The following IQSEC1 variants were observed in gnomAD, a reference collection of about 807,000 sequenced individuals.
IQSEC1 encodes the protein IQ motif and SEC7 domain-containing protein 1.
Under a neutral mutation model 91.0 loss-of-function variants are expected in IQSEC1, and 31 were observed. The ratio of observed to expected loss-of-function variants is 0.34; its 90% CI spans 0.26 to 0.46. The LOEUF is 0.46. IQSEC1 is among the 20% of genes least tolerant of loss of function. The pLI, the probability that IQSEC1 is intolerant of heterozygous loss-of-function variation, is 1.00. For synonymous variants in IQSEC1, 699 were observed against 662.6 expected (o/e 1.05, Z -0.84); for missense variants, 1,388 against 1,575.6 (o/e 0.88, Z 2.02).
intron 1 of IQSEC1, among the ~76,000 whole-genome samples, chr3:13,251,177 T>C (rs1482584194): frequency 2.0e-5 from 3 of 152,220 alleles, no homozygotes; most frequent in Non-Finnish European, 4.4e-5. Context: ...TTCCCAGATG[T>C]GTACACAGCT....
intron 1 of IQSEC1, among the ~76,000 whole-genome samples, chr3:12,942,686 T>A (rs190551358): frequency 1.7e-3 from 256 of 152,236 alleles, no homozygotes; most frequent in African/African-American, 5.7e-3. Flanking sequence ...TGTGCTGGTG[T>A]TTGCTGTGAA....
intron 1 of IQSEC1, among the ~76,000 whole-genome samples, chr3:12,988,141 C>T (rs768299405): frequency 5.9e-5 from 9 of 152,192 alleles, no homozygotes; most frequent in South Asian, 2.1e-4. Context: ...CAGCTGGGCG[C>T]GGTGGCTCAC....
intron 1 of IQSEC1, among the ~76,000 whole-genome samples, chr3:12,987,597 G>T (rs889398150): frequency 1.5e-4 from 23 of 152,206 alleles, no homozygotes; most frequent in Non-Finnish European, 3.4e-4. Context: ...TTGACTACTT[G>T]AATTAAGAAT....
Position 12,908,081 on chromosome 3 carries a change from G to A in IQSEC1, c.2755+268C>T, listed in dbSNP as rs1299822804. Among the ~76,000 whole-genome samples, 1 of 152,234 alleles carries A rather than the reference G, an allele frequency of 6.6e-6. No individual in the cohort carries two copies. The highest frequency in any genetic ancestry group is 2.4e-5 in the African/African-American group (1 of 41,466). On this transcript the variant is annotated intron_variant, in intron 12 of 13. Transcript: ENST00000613206. The surrounding 1 kb of genome is among the most constrained non-coding windows in gnomAD (Gnocchi z 4.9). ...AATAAACAAGTAAATAAAACCCCTGGAAGAAGAAAGGGAAAATGGGGGTGA... is the reference window on the plus strand; with the variant it reads ...AATAAACAAGTAAATAAAACCCCTGAAAGAAGAAAGGGAAAATGGGGGTGA...
At chr3:13,135,932 G>A (rs1022857728) in intron 2 of IQSEC1, among the ~76,000 whole-genome samples, 5 of 152,174 alleles carry the variant, frequency 3.3e-5, no homozygotes, top group African/African-American at 9.7e-5. Context: ...GAGGAGAAGC[G>A]CAGGCCCTGC....
intron 1 of IQSEC1, among the ~76,000 whole-genome samples, chr3:12,944,966 T>C (rs1233449451): frequency 6.6e-6 from 1 of 152,194 alleles, no homozygotes; most frequent in Admixed American, 6.5e-5. Context: ...TAACCTGGCC[T>C]GAAACCACTG....
rs115525429 is a variant in IQSEC1 at position 12,929,920 on chromosome 3, T to C, written c.1569-5178A>G. Among the ~76,000 whole-genome samples the C allele has an allele frequency of 3.3e-3, 506 of 152,336 alleles. 4 individuals carry two copies. Among genetic ancestry groups the C allele is most frequent in the African/African-American group, 0.012 (486 of 41,582 alleles). ...CTCTAAAGCTGGCTGAGCCAGCTTT[T>C]CCTCACATCAGATGACGATTCAGAT... is the stretch of plus-strand genomic sequence containing the variant. On this transcript the variant is annotated intron_variant, in intron 3 of 13. Coordinates refer to ENST00000613206, the MANE Select transcript of IQSEC1 (RefSeq NM_001134382.3).
rs867874082 is a variant in IQSEC1 at position 13,030,407 on chromosome 3, A to C, written c.23+42585T>G. ...GAGCCACCACGCTCAGCTTCGCCCC[A>C]CCTTTATGGTGCACTCTCTTTATGG... On this transcript the variant is annotated intron_variant, in intron 1 of 13. Transcript: ENST00000613206. Among the ~76,000 whole-genome samples, 8 of 152,260 alleles carry C rather than the reference A, an allele frequency of 5.3e-5. No homozygotes were observed. The South Asian group carries it at 1.7e-3, about 32-fold the overall frequency.
chr3:13,164,112 C>T (rs557334199), exon 2 of IQSEC1, among the ~76,000 whole-genome samples: 36 of 152,300 alleles, frequency 2.4e-4, no homozygotes, highest in African/African-American at 8.4e-4. Flanking sequence ...ACCTGACGCT[C>T]CGCGAGCTTT....
chr3:13,137,870 T>C (rs939166051), intron 2 of IQSEC1, among the ~76,000 whole-genome samples: 1 of 152,176 alleles, frequency 6.6e-6, no homozygotes, highest in Non-Finnish European at 1.5e-5. Flanking sequence ...ATATATAATA[T>C]GCAGAACACA....
At chr3:13,078,258 CA>C (rs1705593862), upstream of IQSEC1, among the ~76,000 whole-genome samples, 1 of 152,160 alleles carries the variant, frequency 6.6e-6, no homozygotes, top group Non-Finnish European at 1.5e-5. Flanking sequence ...AGCCTCTACT[CA>C]GGAGCCTGTG....
rs1219374417 is a variant in IQSEC1 at position 13,008,601 on chromosome 3, T to C, written c.23+64391A>G. ...CTGCTTCATTTTCCTGACTGTGATG[T>C]TGGAAATGCTCGTTTGTGTGTTTGT... On this transcript the variant is annotated intron_variant, in intron 1 of 13. Transcript: ENST00000613206. This position sits in a 1 kb window ranked among gnomAD's most constrained non-coding sequence, Gnocchi z 4.1. Among the ~76,000 whole-genome samples the C allele has an allele frequency of 6.8e-6, 1 of 147,786 alleles. No individual in the cohort carries two copies. The highest frequency in any genetic ancestry group is 1.5e-5 in the Non-Finnish European group (1 of 67,990).
At chr3:13,097,200 C>T (rs1705980766) in intron 2 of IQSEC1, among the ~76,000 whole-genome samples, 1 of 152,252 alleles carries the variant, frequency 6.6e-6, no homozygotes. Flanking sequence ...CTCTGCAAAC[C>T]TTCCAGAGGG....
chr3:13,133,204 G>A (rs566277569), intron 2 of IQSEC1, among the ~76,000 whole-genome samples: 1 of 152,348 alleles, frequency 6.6e-6, no homozygotes, highest in East Asian at 1.9e-4. Flanking sequence ...GAAGACAGAA[G>A]TGGAAGCAGG....
intron 2 of IQSEC1, among the ~76,000 whole-genome samples, chr3:13,142,634 C>T (rs1261193522): frequency 6.6e-6 from 1 of 152,220 alleles, no homozygotes; most frequent in Non-Finnish European, 1.5e-5. Flanking sequence ...TTTGCAGGGC[C>T]CTTGAGCTAA....
chr3:13,143,645 G>A (rs1706837722), intron 2 of IQSEC1, among the ~76,000 whole-genome samples: 1 of 152,228 alleles, frequency 6.6e-6, no homozygotes, highest in South Asian at 2.1e-4. Flanking sequence ...CAATCAGGTG[G>A]TGAGGGTCAG....
In IQSEC1 at chr3:12,987,741, C is replaced by T. The variant is rs531636373; in HGVS notation, c.24-45876G>A. Among the ~76,000 whole-genome samples, 12 of 152,212 alleles carry T rather than the reference C, an allele frequency of 7.9e-5. No homozygotes were observed. The East Asian group carries it at 1.5e-3, about 20-fold the overall frequency. On this transcript the variant is annotated intron_variant, in intron 1 of 13. Transcript: ENST00000613206. ...GTAGCACCCAAAGAAGCCTCCAAAT[C>T]GTAAAGAAATAAAAAGACAGCCCAA...
At position 13,098,460 on chromosome 3, in the gene IQSEC1, A is replaced by G. The variant is rs1056500444; in HGVS notation, c.303-50938T>C. 6.6e-5 allele frequency among the ~76,000 whole-genome samples: 10 copies of G among 152,292 alleles called. 1 individual carries two copies. The highest frequency in any genetic ancestry group is 2.6e-4 in the Admixed American group (4 of 15,302). On this transcript the variant is annotated intron_variant, in intron 2 of 15. Transcript: ENST00000648114. ...AAGAAAGCACAACCCCAGAAAGGGA[A>G]CGGTCTACAAAGAAAAGAAAAGCCA...
At chr3:13,026,646 G>T (rs1703623814) in intron 1 of IQSEC1, among the ~76,000 whole-genome samples, 1 of 152,148 alleles carries the variant, frequency 6.6e-6, no homozygotes, top group African/African-American at 2.4e-5. Context: ...CATTTCTCTG[G>T]ATGATACACT....
Sources: gnomAD v4.1 joint callset for allele counts (sites outside exome capture counted in the v4.1 genomes callset) on GRCh38, gnomAD v4.1.1 for gene constraint, Gnocchi (gnomAD v3.1) non-coding constraint, MANE v1.5 for transcripts, NCBI Gene and HGNC (gene_info 2026-07-23, HGNC 2026-07-21) for gene names.